Variants in SNX29 observed in about 807,000 individuals in gnomAD.
SNX29 encodes sorting nexin 29, also known as sorting nexin-29.
SNX29 carries 78 observed loss-of-function variants against 102.1 expected under a neutral mutation model. The ratio of observed to expected loss-of-function variants is 0.76; its 90% CI spans 0.64 to 0.92. SNX29 has a LOEUF of 0.92. SNX29 is among the 40% of genes least tolerant of loss of function. The pLI, the probability that SNX29 is intolerant of heterozygous loss-of-function variation, is 0.00. For missense variants in SNX29, 1,280 were observed against 1,061.7 expected, an observed-to-expected ratio of 1.21 and a Z score of -2.86; for synonymous variants, 580 against 414.5, an observed-to-expected ratio of 1.40 and a Z score of -4.85.
At chr16:12,245,897 T>G (rs2078246493) in intron 14 of SNX29, among the ~76,000 whole-genome samples, 1 of 152,200 alleles carries the variant, frequency 6.6e-6, no homozygotes, top group African/African-American at 2.4e-5. Flanking sequence ...TGTTTGGACC[T>G]ATCAGTCATT....
At chr16:12,091,909 G>C (rs2052566044) in intron 11 of SNX29, among the ~76,000 whole-genome samples, 1 of 152,214 alleles carries the variant, frequency 6.6e-6, no homozygotes, top group African/African-American at 2.4e-5. Context: ...TCGGTGCCTT[G>C]ATCTTGGACT....
At chr16:12,219,669 T>G (rs973216243) in intron 14 of SNX29, among the ~76,000 whole-genome samples, 4 of 152,254 alleles carry the variant, frequency 2.6e-5, no homozygotes, top group Admixed American at 2.6e-4. Flanking sequence ...TATTGAAAAT[T>G]CATGCGTATT....
intron 18 of SNX29, among the ~76,000 whole-genome samples, chr16:12,415,385 G>C (rs933200212): frequency 6.6e-6 from 1 of 152,250 alleles, no homozygotes; most frequent in African/African-American, 2.4e-5. Flanking sequence ...TGGCACCATT[G>C]AGTTTCATAC....
chr16:12,018,683 T>G (rs1167124904), intron 3 of SNX29, among the ~76,000 whole-genome samples: 1 of 152,056 alleles, frequency 6.6e-6, no homozygotes, highest in South Asian at 2.1e-4. Context: ...TTTAATGTTA[T>G]GGTGTCTTTG....
intron 20 of SNX29, among the ~76,000 whole-genome samples, chr16:12,532,463 A>G (rs2076958382): frequency 6.6e-6 from 1 of 152,218 alleles, no homozygotes; most frequent in African/African-American, 2.4e-5. Flanking sequence ...TTATTAAGCA[A>G]ACAGTTTTAG....
At chr16:11,997,927 G>A (rs1309957419) in intron 1 of SNX29, among the ~76,000 whole-genome samples, 2 of 152,188 alleles carry the variant, frequency 1.3e-5, no homozygotes, top group South Asian at 4.1e-4. Flanking sequence ...ACTTCCCCGA[G>A]CTTCAGCTTT....
chr16:12,082,513 G>C (rs753533943), intron 11 of SNX29, among the ~76,000 whole-genome samples: 1 of 150,686 alleles, frequency 6.6e-6, no homozygotes, highest in Non-Finnish European at 1.5e-5. Flanking sequence ...ACATGCTCGA[G>C]TTAGGCCAGT....
chr16:12,551,023 G>C (rs1316944337), intron 20 of SNX29, among the ~76,000 whole-genome samples: 1 of 152,114 alleles, frequency 6.6e-6, no homozygotes, highest in Non-Finnish European at 1.5e-5. Context: ...CCGAGTGATG[G>C]GCTTCTAAAC....
chr16:12,211,233 T>C (rs2077175304), intron 14 of SNX29, among the ~76,000 whole-genome samples: 1 of 152,194 alleles, frequency 6.6e-6, no homozygotes, highest in Non-Finnish European at 1.5e-5. Context: ...TCCTCAGGTT[T>C]AGTGGGAGAG....
At chr16:12,568,479 A>C (rs556494110) in intron 20 of SNX29, 27 bp from the exon 21 acceptor site, 3 of 1,607,372 alleles carry the variant, frequency 1.9e-6, no homozygotes, top group South Asian at 2.2e-5. Context: ...CCCCAGACTT[A>C]ACCCGATTCT....
intron 9 of SNX29, among the ~76,000 whole-genome samples, chr16:12,066,636 A>G (rs1042869599): frequency 2.0e-5 from 3 of 151,844 alleles, no homozygotes; most frequent in African/African-American, 4.8e-5. Context: ...CCTTGGGGCC[A>G]TGATTCAGGG....
At chr16:12,145,925 C>T (rs907513591) in intron 13 of SNX29, among the ~76,000 whole-genome samples, 1 of 152,206 alleles carries the variant, frequency 6.6e-6, no homozygotes, top group African/African-American at 2.4e-5. Flanking sequence ...TCATTTCCTT[C>T]AGCTAGATTC....
chr16:12,437,334 G>T (rs1329101479), intron 18 of SNX29, among the ~76,000 whole-genome samples: 1 of 152,162 alleles, frequency 6.6e-6, no homozygotes, highest in Non-Finnish European at 1.5e-5. Flanking sequence ...CTCAGCTCAG[G>T]ATGGAGTGGA....
At chr16:12,563,184 T>C (rs1023693034) in intron 20 of SNX29, among the ~76,000 whole-genome samples, 62 of 122,484 alleles carry the variant, frequency 5.1e-4, no homozygotes, top group African/African-American at 2.0e-3. Context: ...GGGATGTCAC[T>C]TCCCACAGTC....
At chr16:12,351,633 C>A (rs1326575898) in intron 15 of SNX29, among the ~76,000 whole-genome samples, 1 of 152,024 alleles carries the variant, frequency 6.6e-6, no homozygotes, top group Non-Finnish European at 1.5e-5. Context: ...ATGATAATTC[C>A]TGGTATTTTT....
chr16:12,433,652 G>GAAAAAAA lies in SNX29; in HGVS notation c.2037+30126_2037+30127insAAAAAAA, dbSNP rs1287353973. Among the ~76,000 whole-genome samples the GAAAAAAA allele has an allele frequency of 4.9e-4, 18 of 37,026 alleles. 1 individual carries two copies. In the East Asian group the frequency reaches 6.0e-3, roughly 12 times the overall value. The allele number at this position is 37,026 out of a possible 152,430, so 24.3% of individuals were successfully genotyped here. On this transcript the variant is annotated intron_variant, in intron 18 of 20. Coordinates refer to ENST00000566228, the MANE Select transcript of SNX29 (RefSeq NM_032167.5). ...TCTCAAAAAAAAAAAAAAAAAAAAG[G>GAAAAAAA]AAACTTAGCTGGGCGTGGTGGGCGT...
At chr16:12,003,090 C>T (rs756180842) in intron 3 of SNX29, 47 bp downstream of exon 3, 43 of 1,609,110 alleles carry the variant, frequency 2.7e-5, no homozygotes, top group African/African-American at 1.7e-4. Context: ...GTTGGAAAGG[C>T]GGCAGAAGGT....
At chr16:12,464,813 A>G (rs926790554) in intron 18 of SNX29, among the ~76,000 whole-genome samples, 2 of 151,790 alleles carry the variant, frequency 1.3e-5, no homozygotes, top group Non-Finnish European at 2.9e-5. Context: ...TGGTAGTGCT[A>G]TTTTTATTTG....
intron 10 of SNX29, among the ~76,000 whole-genome samples, chr16:12,077,166 C>T (rs1319859331): frequency 6.6e-6 from 1 of 152,042 alleles, no homozygotes. Context: ...GTAGTGTCAG[C>T]TACTTGGGAG....
Sources: gnomAD v4.1 joint callset for allele counts (sites outside exome capture counted in the v4.1 genomes callset) on GRCh38, gnomAD v4.1.1 for gene constraint, MANE v1.5 for transcripts, NCBI Gene and HGNC (gene_info 2026-07-23, HGNC 2026-07-21) for gene names.